DGKK: variants seen among roughly 807,000 people sequenced by gnomAD.
DGKK encodes the protein 142 kDa diacylglycerol kinase.
In DGKK, 35 loss-of-function variants were observed where a neutral mutation model predicts 92.2. The observed-to-expected ratio is 0.38, with a 90% CI of 0.29 to 0.50. DGKK has a LOEUF of 0.50. Among genes scored for constraint, DGKK ranks in the 20% least tolerant of loss-of-function variants. The pLI is 0.92. For synonymous variants in DGKK, 368 were observed against 360.6 expected (o/e 1.02, Z -0.23); for missense variants, 910 against 992.2 (o/e 0.92, Z 1.11).
At chrX:50,437,041 G>A (rs1926046537) in intron 1 of DGKK, among the ~76,000 whole-genome samples, 1 of 111,349 alleles carries the variant, frequency 9.0e-6, no homozygotes, top group African/African-American at 3.3e-5. Context: ...TGGACCCAAA[G>A]GGAAATTGTC....
At chrX:50,381,382 T>C (rs1228723291) in intron 18 of DGKK, among the ~76,000 whole-genome samples, 3 of 111,094 alleles carry the variant, frequency 2.7e-5, no homozygotes, top group African/African-American at 9.8e-5. Flanking sequence ...GCAGGAGAAT[T>C]ACTTGAACCC....
intron 1 of DGKK, among the ~76,000 whole-genome samples, chrX:50,442,172 C>T (rs1557231343): frequency 9.0e-6 from 1 of 111,668 alleles, no homozygotes; most frequent in African/African-American, 3.2e-5. Context: ...AGTCTCATAA[C>T]AGGCACCCTG....
chrX:50,399,266 G>A (rs1890601), intron 8 of DGKK, among the ~76,000 whole-genome samples: 35,226 of 110,521 alleles, frequency 0.32, 4,282 homozygotes, highest in Admixed American at 0.45. Flanking sequence ...GTGTGTACGC[G>A]TGCACATATA....
intron 4 of DGKK, among the ~76,000 whole-genome samples, chrX:50,412,265 A>G (rs1220327776): frequency 1.8e-5 from 2 of 112,360 alleles, no homozygotes. Flanking sequence ...GAAGTAAAAG[A>G]CCTGCATACT....
chrX:50,412,267 C>T (rs1925322846), intron 4 of DGKK, among the ~76,000 whole-genome samples: 1 of 111,899 alleles, frequency 8.9e-6, no homozygotes, highest in African/African-American at 3.2e-5. Flanking sequence ...AGTAAAAGAC[C>T]TGCATACTGA....
At chrX:50,452,247 A>T (rs185252962) in intron 1 of DGKK, among the ~76,000 whole-genome samples, 2 of 110,966 alleles carry the variant, frequency 1.8e-5, no homozygotes, top group African/African-American at 6.5e-5. Flanking sequence ...TTGCACTGCA[A>T]CTCTCTCATT....
At position 50,470,222 on chromosome X, in the gene DGKK, G is replaced by A; in HGVS notation, c.457C>T (p.Pro153Ser). The A allele has an allele frequency of 8.3e-7, 1 of 1,211,565 alleles. No homozygotes were observed. ...PEVAPELAPE[P>S]TPEPVTELAP... ...AGCTCTGTCACAGGTTCTGGGGTCGGCTCTGGGGCCAGCTCTGGGGCAACT... is the reference window on the plus strand; with the variant it reads ...AGCTCTGTCACAGGTTCTGGGGTCGACTCTGGGGCCAGCTCTGGGGCAACT... Residue 153 changes from proline to serine, a missense_variant, in exon 1 of 28, where the codon CCG (proline) becomes TCG (serine). Pro to Ser is a moderately conservative substitution (Grantham distance 74, BLOSUM62 -1). Transcript: ENST00000611977.
intron 4 of DGKK, among the ~76,000 whole-genome samples, chrX:50,408,146 TGGTTCCAGAGGGTGGAGTTGTCTCCTG>T (rs1374058737): frequency 1.8e-5 from 2 of 111,944 alleles, no homozygotes; most frequent in Non-Finnish European, 3.8e-5. Context: ...ACTGCCTCCT[TGGTTCCAGAGGGTGGAGTTGTCTCCTG>T]GGTTCCAGAA....
At chrX:50,378,553 C>T (rs1557224086) in intron 21 of DGKK, 25 bp downstream of exon 21, 1 of 1,158,208 alleles carries the variant, frequency 8.6e-7, no homozygotes, top group Non-Finnish European at 1.2e-6. Flanking sequence ...AGCCCCTTCC[C>T]AGTGCCCACC....
chrX:50,433,642 G>T (rs1270110061), intron 1 of DGKK, among the ~76,000 whole-genome samples: 4 of 111,610 alleles, frequency 3.6e-5, no homozygotes, highest in Non-Finnish European at 7.5e-5. Context: ...CCTTCCTGCA[G>T]AAGGTTGCCT....
chrX:50,373,370 A>C (rs1924191325), intron 25 of DGKK, among the ~76,000 whole-genome samples: 2 of 111,969 alleles, frequency 1.8e-5, no homozygotes, highest in South Asian at 7.5e-4. Flanking sequence ...ATGTGTGTTT[A>C]AGTCCTCACT....
chrX:50,415,057 G>A (rs1181230430), intron 4 of DGKK, among the ~76,000 whole-genome samples: 4 of 112,039 alleles, frequency 3.6e-5, no homozygotes, highest in African/African-American at 1.3e-4. Flanking sequence ...CAATTTCAAA[G>A]GGTGGAAACC....
chrX:50,399,775 T>C (rs1557226421), intron 8 of DGKK, among the ~76,000 whole-genome samples: 1 of 112,108 alleles, frequency 8.9e-6, no homozygotes, highest in Non-Finnish European at 1.9e-5. Context: ...CTGTGATATA[T>C]GATTTTGATC....
At chrX:50,465,085 G>T (rs1357802955) in intron 1 of DGKK, among the ~76,000 whole-genome samples, 1 of 111,474 alleles carries the variant, frequency 9.0e-6, no homozygotes, top group Non-Finnish European at 1.9e-5. Context: ...TTTCTCAAGA[G>T]ATTAAGCATG....
chrX:50,470,258 G>T lies in DGKK; in HGVS notation c.421C>A (p.Leu141Met). ...LESVPEPAPELTPEVAPELAP... is the reference protein window; with the variant it reads ...LESVPEPAPEMTPEVAPELAP... ...AGCTCTGGGGCAACTTCTGGAGTCA[G>T]CTCTGGGGCCGGCTCTGGGACCGAC... Residue 141 changes from leucine (L) to methionine (M), a missense_variant, in exon 1 of 28, where the codon CTG becomes ATG. By Grantham distance (15) the Leu-to-Met change is conservative. Coordinates refer to ENST00000611977, the MANE Select transcript of DGKK (RefSeq NM_001013742.4). 8.3e-7 allele frequency: 1 copy of T among 1,209,522 alleles called. No homozygotes were observed. The highest frequency in any genetic ancestry group is 1.1e-6 in the Non-Finnish European group (1 of 894,384).
intron 8 of DGKK, among the ~76,000 whole-genome samples, chrX:50,398,068 A>T (rs1382367781): frequency 1.1e-4 from 12 of 111,300 alleles, no homozygotes; most frequent in African/African-American, 3.9e-4. Flanking sequence ...ATTGGAAGGA[A>T]TTCTCAGAAA....
Position 50,382,547 on chromosome X carries a change from T to C in DGKK, c.2606A>G (p.Lys869Arg), listed in dbSNP as rs782274310. The change falls in exon 18 of 28, where the codon AAA (lysine) becomes AGA (arginine). Residue 869 changes from lysine (K) to arginine (R), a missense_variant. By Grantham distance (26) the Lys-to-Arg change is conservative (BLOSUM62 2). Coordinates refer to ENST00000611977, the MANE Select transcript of DGKK (RefSeq NM_001013742.4). Reference protein sequence around the residue: ...NNYFGIGLDAKISLDFNTRRD... With the variant: ...NNYFGIGLDARISLDFNTRRD... ...TCTGGTGTTGAAGTCCAGAGAAATT[T>C]TAGCATCCAGTCCAATTCCGAAGTA... 8.3e-7 allele frequency: 1 copy of C among 1,209,370 alleles called. No individual in the cohort carries two copies. The highest frequency in any genetic ancestry group is 1.1e-6 in the Non-Finnish European group (1 of 894,737).
chrX:50,427,577 T>TTAATAATAATAA (rs75113899), intron 1 of DGKK, among the ~76,000 whole-genome samples: 4 of 98,024 alleles, frequency 4.1e-5, no homozygotes, highest in African/African-American at 1.5e-4. Flanking sequence ...ATGCAAGACG[T>TTAATAATAATAA]TAATAATAAT....
At chrX:50,460,729 C>T (rs5961138) in intron 1 of DGKK, among the ~76,000 whole-genome samples, 1 of 111,684 alleles carries the variant, frequency 9.0e-6, no homozygotes, top group African/African-American at 3.3e-5. Flanking sequence ...TATTAACTCT[C>T]TCAAGTTTTG....
Sources: allele counts gnomAD v4.1 joint callset (sites outside exome capture counted in the v4.1 genomes callset), GRCh38; gene constraint gnomAD v4.1.1; transcripts MANE v1.5; gene names NCBI Gene and HGNC (gene_info 2026-07-23, HGNC 2026-07-21).